The following NPR3 variants were observed in gnomAD, a reference collection of about 807,000 sequenced individuals.
The protein encoded by NPR3 is atrial natriuretic peptide receptor 3.
In NPR3, 34 loss-of-function variants were observed where a neutral mutation model predicts 54.5. That is an observed-to-expected ratio of 0.62 (90% confidence interval 0.47 to 0.83). NPR3 has a LOEUF of 0.83. NPR3 is among the 40% of genes least tolerant of loss of function. The pLI, the probability that NPR3 is intolerant of heterozygous loss-of-function variation, is 0.00. For synonymous variants in NPR3, 289 were observed against 297.1 expected (o/e 0.97, Z 0.28); for missense variants, 674 against 720.8 (o/e 0.94, Z 0.74).
chr5:32,713,326 G>T (rs1738366972), intron 1 of NPR3: 1 of 985,328 alleles, frequency 1.0e-6, no homozygotes, highest in African/African-American at 1.7e-5. Context: ...GTCTTTGGGT[G>T]TTGGAATAAA....
At chr5:32,737,222 T>C (rs1739796607) in intron 2 of NPR3, among the ~76,000 whole-genome samples, 1 of 152,180 alleles carries the variant, frequency 6.6e-6, no homozygotes, top group African/African-American at 2.4e-5. Flanking sequence ...CTCTCTACTC[T>C]GTGTTGTTTC....
chr5:32,705,058 A>G (rs1312783708), upstream of NPR3, among the ~76,000 whole-genome samples: 1 of 152,260 alleles, frequency 6.6e-6, no homozygotes, highest in East Asian at 1.9e-4. Context: ...ATGTCTGAAT[A>G]GGATTCAATT....
At chr5:32,712,664 C>G (rs557263045) in intron 1 of NPR3, 119 bp downstream of exon 1, 1 of 937,970 alleles carries the variant, frequency 1.1e-6, no homozygotes, top group East Asian at 2.5e-5. Flanking sequence ...GTCGGGTGCG[C>G]GCGGGCACTC....
chr5:32,719,167 G>A (rs1218171920), intron 1 of NPR3, among the ~76,000 whole-genome samples: 6 of 152,184 alleles, frequency 3.9e-5, no homozygotes, highest in South Asian at 2.1e-4. Flanking sequence ...ATTGATTTGC[G>A]TATGTTGAAC....
Position 32,790,844 on chromosome 5 carries a change from C to T in NPR3, c.*4499C>T, listed in dbSNP as rs1742872798. On this transcript the variant is annotated 3_prime_UTR_variant, in exon 8 of 8. Coordinates refer to ENST00000265074, the MANE Select transcript of NPR3 (RefSeq NM_001204375.2). Reference sequence around the variant, plus strand: ...TGAGTAAAAATCCATTTTATAATAGCTCTGTGATATATCAGTGGGAGATGA... The same window carrying T: ...TGAGTAAAAATCCATTTTATAATAGTTCTGTGATATATCAGTGGGAGATGA... 1 of 167,030 alleles carries T rather than the reference C, an allele frequency of 6.0e-6. No individual in the cohort carries two copies. The highest frequency in any genetic ancestry group is 1.5e-5 in the Non-Finnish European group (1 of 68,108). The allele number at this position is 167,030 out of a possible 1,614,324, so 10.3% of individuals were successfully genotyped here. A position where few individuals can be genotyped will look rare whatever the true frequency, so the allele number is the denominator to read the frequency against.
chr5:32,711,733 G>A lies in NPR3; in HGVS notation c.-44G>A. ...AGAGGAAGGGTGGGTGGGGGGCAGA[G>A]GGCGAGTCGGCGGCGGCGAGGGCAA... On this transcript the variant is annotated 5_prime_UTR_variant, in exon 1 of 8. Transcript: ENST00000265074. 1 of 1,412,792 alleles carries A rather than the reference G, an allele frequency of 7.1e-7. No homozygotes were observed. The highest frequency in any genetic ancestry group is 9.2e-7 in the Non-Finnish European group (1 of 1,084,606). 87.5% of individuals were successfully genotyped at this position (1,412,792 alleles called of 1,614,324 possible).
At chr5:32,724,618 A>G in intron 1 of NPR3, 80 bp from the exon 2 acceptor site, 1 of 1,537,192 alleles carries the variant, frequency 6.5e-7, no homozygotes, top group Non-Finnish European at 9.0e-7. Flanking sequence ...GTTCCTTGTC[A>G]GATGTCCCTT....
intron 1 of NPR3, among the ~76,000 whole-genome samples, chr5:32,694,716 T>G (rs903133033): frequency 6.6e-6 from 1 of 152,230 alleles, no homozygotes; most frequent in Admixed American, 6.5e-5. Flanking sequence ...CCAATTATAC[T>G]GTTTTAGTTA....
chr5:32,708,243 A>G (rs189916188), upstream of NPR3, among the ~76,000 whole-genome samples: 3 of 152,208 alleles, frequency 2.0e-5, no homozygotes, highest in Non-Finnish European at 4.4e-5. Context: ...CACTCTTTTG[A>G]ATGTTAAAAA....
At chr5:32,700,560 C>T (rs1025494456) in intron 1 of NPR3, among the ~76,000 whole-genome samples, 3 of 151,934 alleles carry the variant, frequency 2.0e-5, no homozygotes, top group African/African-American at 7.3e-5. Context: ...CCCCACCCCC[C>T]GACAGGCCCT....
intron 1 of NPR3, among the ~76,000 whole-genome samples, chr5:32,692,441 A>G (rs1740416777): frequency 6.6e-6 from 1 of 152,236 alleles, no homozygotes; most frequent in Non-Finnish European, 1.5e-5. Context: ...ACAAAGACGA[A>G]TATTTAAAGT....
At chr5:32,691,071 C>T (rs1298449906) in intron 1 of NPR3, among the ~76,000 whole-genome samples, 1 of 152,132 alleles carries the variant, frequency 6.6e-6, no homozygotes, top group Non-Finnish European at 1.5e-5. Flanking sequence ...AGAAGAGCTG[C>T]CCATCTGAAG....
chr5:32,715,864 A>G (rs1271245673), intron 1 of NPR3, among the ~76,000 whole-genome samples: 3 of 152,276 alleles, frequency 2.0e-5, no homozygotes. Context: ...CTGGGCCTGC[A>G]TAATGACTGT....
chr5:32,767,617 C>G (rs1454195962), intron 3 of NPR3, among the ~76,000 whole-genome samples: 1 of 152,110 alleles, frequency 6.6e-6, no homozygotes, highest in Non-Finnish European at 1.5e-5. Flanking sequence ...GCTTGGGAAA[C>G]TCTAAATTAA....
chr5:32,777,439 A>T (rs1742115499), intron 4 of NPR3, among the ~76,000 whole-genome samples: 1 of 152,168 alleles, frequency 6.6e-6, no homozygotes, highest in African/African-American at 2.4e-5. Context: ...TCGGTTTTAC[A>T]TTGTGCTTGC....
Position 32,765,725 on chromosome 5 carries a change from GAGA to G in NPR3, c.1060-8977_1060-8975del, listed in dbSNP as rs566337059. Among the ~76,000 whole-genome samples, 951 of 152,346 alleles carry G rather than the reference GAGA, an allele frequency of 6.2e-3. 4 individuals carry two copies. The highest frequency in any genetic ancestry group is 0.017 in the Middle Eastern group (5 of 294). ...TGGATGGTTCAGAGACGACTTCAGT[GAGA>G]AGAAGTTCGCTGGCTCACATAAGGT... On this transcript the variant is annotated intron_variant, in intron 3 of 7. Coordinates refer to ENST00000265074, the MANE Select transcript of NPR3 (RefSeq NM_001204375.2).
intron 1 of NPR3, among the ~76,000 whole-genome samples, chr5:32,698,373 T>G (rs1232445432): frequency 6.6e-6 from 1 of 152,146 alleles, no homozygotes; most frequent in African/African-American, 2.4e-5. Context: ...TTTCATTTTT[T>G]TTTTGAATTT....
At chr5:32,770,397 T>C (rs1231194498) in intron 3 of NPR3, among the ~76,000 whole-genome samples, 1 of 149,992 alleles carries the variant, frequency 6.7e-6, no homozygotes, top group Non-Finnish European at 1.5e-5. Flanking sequence ...ACCACTGCAC[T>C]CCAGCCTAGG....
At position 32,711,705 on chromosome 5, in the gene NPR3, G is replaced by A; in HGVS notation, c.-72G>A. On this transcript the variant is annotated 5_prime_UTR_variant, in exon 1 of 8. Coordinates refer to ENST00000265074, the MANE Select transcript of NPR3 (RefSeq NM_001204375.2). ...GGACCTTGGAGAGAAGAGTGGGGAG[G>A]AAAGAGGAAGGGTGGGTGGGGGGCA... is the stretch of plus-strand genomic sequence containing the variant. 1 of 1,366,672 alleles carries A rather than the reference G, an allele frequency of 7.3e-7. No homozygotes were observed. The highest frequency in any genetic ancestry group is 1.8e-5 in the South Asian group (1 of 54,170). The allele number at this position is 1,366,672 out of a possible 1,614,324, so 84.7% of individuals were successfully genotyped here.
Sources: allele counts gnomAD v4.1 joint callset (sites outside exome capture counted in the v4.1 genomes callset), GRCh38; gene constraint gnomAD v4.1.1; transcripts MANE v1.5; gene names NCBI Gene and HGNC (gene_info 2026-07-23, HGNC 2026-07-21).